Variants in CELF2 observed in about 807,000 individuals in gnomAD.
CELF2 encodes the protein CUG triplet repeat RNA-binding protein 2.
In CELF2, 8 loss-of-function variants were observed where a neutral mutation model predicts 62.6. That is an observed-to-expected ratio of 0.13 (90% CI 0.07 to 0.23). The LOEUF (loss-of-function observed/expected upper bound fraction) is 0.23. Among genes scored for constraint, CELF2 ranks in the 10% least tolerant of loss-of-function variants. The pLI is 1.00. For synonymous variants in CELF2, 258 were observed against 250.0 expected (o/e 1.03, Z -0.30); for missense variants, 333 against 671.0 (o/e 0.50, Z 5.56).
At chr10:10,904,426 C>G (rs564964571) in intron 1 of CELF2, among the ~76,000 whole-genome samples, 36 of 152,054 alleles carry the variant, frequency 2.4e-4, no homozygotes, top group African/African-American at 8.4e-4. Context: ...AAGACAGAGT[C>G]TCAATATGTT....
chr10:11,126,169 G>T (rs548698628), intron 1 of CELF2, among the ~76,000 whole-genome samples: 1 of 152,194 alleles, frequency 6.6e-6, no homozygotes, highest in Non-Finnish European at 1.5e-5. Flanking sequence ...GTTTTCCTAA[G>T]TTTCCAGTTC....
intron 1 of CELF2, among the ~76,000 whole-genome samples, chr10:11,081,785 C>T (rs1188768174): frequency 6.6e-6 from 1 of 152,144 alleles, no homozygotes; most frequent in African/African-American, 2.4e-5. Flanking sequence ...TAGTGTGTAT[C>T]AGCTGGGCTT....
intron 1 of CELF2, among the ~76,000 whole-genome samples, chr10:11,135,118 G>T (rs2062664741): frequency 6.6e-6 from 1 of 152,112 alleles, no homozygotes; most frequent in Non-Finnish European, 1.5e-5. Context: ...TGCTGCTTTG[G>T]TCCCGACTCC....
intron 1 of CELF2, among the ~76,000 whole-genome samples, chr10:11,105,176 C>T (rs2053057576): frequency 6.6e-6 from 1 of 152,152 alleles, no homozygotes; most frequent in African/African-American, 2.4e-5. Flanking sequence ...AAACGAAAAA[C>T]AAATATAGTC....
chr10:10,562,184 G>A, the CELF2 span, among the ~76,000 whole-genome samples: 665 of 152,182 alleles, frequency 4.4e-3, 9 homozygotes, highest in African/African-American at 0.014. Context: ...AAAATAGCAC[G>A]AAAACAACAC....
intron 6 of CELF2, 47 bp downstream of exon 6, chr10:11,266,724 G>C: frequency 6.7e-7 from 1 of 1,486,678 alleles, no homozygotes; most frequent in Non-Finnish European, 9.4e-7. Flanking sequence ...GCAAATGATG[G>C]GGAATGGTAA....
chr10:11,329,221 C>T lies in CELF2; in HGVS notation c.*168C>T, dbSNP rs182296057. The T allele has an allele frequency of 5.3e-4, 279 of 521,674 alleles. No homozygotes were observed. Among genetic ancestry groups the T allele is most frequent in the Non-Finnish European group, 7.6e-4 (246 of 323,346 alleles). 32.3% of individuals were successfully genotyped at this position (521,674 alleles called of 1,614,324 possible). A position where few individuals can be genotyped will look rare whatever the true frequency, so the allele number is the denominator to read the frequency against. ...CCATGTCCCCACCCACTTCCCCTAC[C>T]CAGTTTGCCATAATTAAAACTTGGG... is the stretch of plus-strand genomic sequence containing the variant. On this transcript the variant is annotated 3_prime_UTR_variant, in exon 13 of 13. Coordinates refer to ENST00000633077, the MANE Select transcript of CELF2 (RefSeq NM_001326342.2). This position sits in a 1 kb window ranked among gnomAD's most constrained non-coding sequence, Gnocchi z 5.5.
chr10:10,525,080 A>G, the CELF2 span, among the ~76,000 whole-genome samples: 1 of 152,222 alleles, frequency 6.6e-6, no homozygotes, highest in African/African-American at 2.4e-5. Context: ...ACGTTGTGGA[A>G]TGATTAAATC....
chr10:11,005,446 T>G lies in CELF2; in HGVS notation c.53+6T>G, dbSNP rs1480086395. ...AATGAAGAGCTGCTTTTAAGGTATGTTGTTGTGTCCTTTGTTTTTAATGCA... is the reference window on the plus strand; with the variant it reads ...AATGAAGAGCTGCTTTTAAGGTATGGTGTTGTGTCCTTTGTTTTTAATGCA... On this transcript the variant is annotated splice_donor_region_variant and intron_variant, in intron 1 of 12. Transcript: ENST00000416382. This position sits in a 1 kb window ranked among gnomAD's most constrained non-coding sequence, Gnocchi z 4.3. 6.2e-7 allele frequency: 1 copy of G among 1,613,776 alleles called. No homozygotes were observed. Among genetic ancestry groups the G allele is most frequent in the East Asian group, 2.2e-5 (1 of 44,898 alleles).
At chr10:10,706,654 A>C in the CELF2 span, among the ~76,000 whole-genome samples, 1 of 152,228 alleles carries the variant, frequency 6.6e-6, no homozygotes, top group Non-Finnish European at 1.5e-5. Flanking sequence ...GTTTTCCAAA[A>C]GGCCAGATAT....
intron 1 of CELF2, among the ~76,000 whole-genome samples, chr10:11,134,607 C>T (rs2060136450): frequency 6.6e-6 from 1 of 152,176 alleles, no homozygotes; most frequent in African/African-American, 2.4e-5. Flanking sequence ...AGACTGTGTG[C>T]CTCTCTGTTA....
chr10:10,541,474 T>C, the CELF2 span, among the ~76,000 whole-genome samples: 9 of 152,256 alleles, frequency 5.9e-5, no homozygotes, highest in African/African-American at 2.2e-4. Flanking sequence ...CAAGGGCTCT[T>C]GGTTCGCTAT....
chr10:11,168,739 C>T (rs901713101), intron 2 of CELF2, among the ~76,000 whole-genome samples: 1 of 152,106 alleles, frequency 6.6e-6, no homozygotes, highest in African/African-American at 2.4e-5. Flanking sequence ...AGATTTTCCC[C>T]CTCACTTTCC....
In CELF2 at chr10:11,270,248, C is replaced by T. The variant is rs1334968543; in HGVS notation, c.619-418C>T. On this transcript the variant is annotated intron_variant, in intron 6 of 12. Coordinates refer to ENST00000633077, the MANE Select transcript of CELF2 (RefSeq NM_001326342.2). The surrounding 1 kb of genome is among the most constrained non-coding windows in gnomAD (Gnocchi z 5.8). ...CATGGCCATTCCCGTTACAGATTCT[C>T]CCCTTTGTCCTCTGTCCACCTGTGG... is the stretch of plus-strand genomic sequence containing the variant. Among the ~76,000 whole-genome samples the T allele has an allele frequency of 2.0e-5, 3 of 148,244 alleles. No individual in the cohort carries two copies. The highest frequency in any genetic ancestry group is 8.0e-5 in the African/African-American group (3 of 37,714).
At chr10:10,859,922 T>A (rs758041153) in intron 1 of CELF2, among the ~76,000 whole-genome samples, 6 of 152,006 alleles carry the variant, frequency 3.9e-5, no homozygotes, top group African/African-American at 7.2e-5. Flanking sequence ...TTACATTTTT[T>A]AAAAAAAATT....
chr10:11,270,622 C>T lies in CELF2; in HGVS notation c.619-44C>T, dbSNP rs554215011. 7.3e-7 allele frequency: 1 copy of T among 1,377,864 alleles called. No individual in the cohort carries two copies. Among genetic ancestry groups the T allele is most frequent in the South Asian group, 1.9e-5 (1 of 52,062 alleles). 85.4% of individuals were successfully genotyped at this position (1,377,864 alleles called of 1,614,324 possible). A position where few individuals can be genotyped will look rare whatever the true frequency, so the allele number is the denominator to read the frequency against. On this transcript the variant is annotated intron_variant, in intron 6 of 12. Coordinates refer to ENST00000633077, the MANE Select transcript of CELF2 (RefSeq NM_001326342.2). This position sits in a 1 kb window ranked among gnomAD's most constrained non-coding sequence, Gnocchi z 5.8. ...GCTGAGTGTCGTGAGCGGATTCCGC[C>T]AGCCTGTAACCCCCTCTCCACTTTC...
chr10:10,479,890 T>C, the CELF2 span, among the ~76,000 whole-genome samples: 1 of 152,196 alleles, frequency 6.6e-6, no homozygotes, highest in Non-Finnish European at 1.5e-5. Context: ...TTTTACCTTT[T>C]TCTGTGCAAA....
At chr10:10,880,669 A>AC (rs772800500) in intron 1 of CELF2, among the ~76,000 whole-genome samples, 119 of 152,312 alleles carry the variant, frequency 7.8e-4, no homozygotes, top group Non-Finnish European at 1.4e-3. Context: ...AAAAGGAAGG[A>AC]CCAAGCAACT....
intron 10 of CELF2, chr10:11,317,475 C>T (rs2095103634): frequency 6.6e-6 from 1 of 152,244 alleles, no homozygotes; most frequent in Non-Finnish European, 1.5e-5. Flanking sequence ...CAGCTTGCAG[C>T]TTAGAAGGAT....
Sources: gnomAD v4.1 joint callset for allele counts (sites outside exome capture counted in the v4.1 genomes callset) on GRCh38, gnomAD v4.1.1 for gene constraint, Gnocchi (gnomAD v3.1) non-coding constraint, MANE v1.5 for transcripts, NCBI Gene and HGNC (gene_info 2026-07-23, HGNC 2026-07-21) for gene names.